Variants in COL28A1 observed in about 807,000 individuals in gnomAD.
The protein encoded by COL28A1 is collagen type XXVIII alpha 1 chain.
COL28A1 carries 161 observed loss-of-function variants against 150.2 expected under a neutral mutation model. The observed-to-expected ratio is 1.07, with a 90% confidence interval of 0.94 to 1.22. COL28A1 has a LOEUF of 1.22. COL28A1 is among the 50% of genes most tolerant of loss of function. The pLI, the probability that COL28A1 is intolerant of heterozygous loss-of-function variation, is 0.00. For missense variants in COL28A1, 1,617 were observed against 1,388.3 expected (o/e 1.16, Z -2.62); for synonymous variants, 552 against 469.7 (o/e 1.18, Z -2.26).
At chr7:7,463,855 A>C (rs972315787) in intron 15 of COL28A1, among the ~76,000 whole-genome samples, 8 of 152,216 alleles carry the variant, frequency 5.3e-5, no homozygotes, top group African/African-American at 1.9e-4. Context: ...GGTTCACTTA[A>C]AATACATAGA....
intron 27 of COL28A1, among the ~76,000 whole-genome samples, chr7:7,414,980 T>C (rs370517772): frequency 2.6e-5 from 4 of 152,232 alleles, no homozygotes; most frequent in Admixed American, 2.6e-4. Context: ...TACTTTATAC[T>C]AGCACTTGGC....
chr7:7,485,255 G>A (rs1779562643), intron 13 of COL28A1, among the ~76,000 whole-genome samples: 1 of 152,166 alleles, frequency 6.6e-6, no homozygotes, highest in East Asian at 1.9e-4. Context: ...GCATGTGTGT[G>A]TATATATGCT....
chr7:7,441,148 C>G (rs537199832), intron 20 of COL28A1, among the ~76,000 whole-genome samples: 1 of 152,194 alleles, frequency 6.6e-6, no homozygotes, highest in South Asian at 2.1e-4. Flanking sequence ...TCATTTTCAC[C>G]CTTGGTCTAT....
chr7:7,440,325 G>A (rs1054659453), intron 21 of COL28A1, among the ~76,000 whole-genome samples: 2 of 152,148 alleles, frequency 1.3e-5, no homozygotes, highest in African/African-American at 4.8e-5. Flanking sequence ...GTGAAATAGA[G>A]CATATCGTTA....
rs569495407 is a variant in COL28A1 at position 7,520,170 on chromosome 7, A to G, written c.760-55T>C. 5 of 818,118 alleles carry G rather than the reference A, an allele frequency of 6.1e-6. No homozygotes were observed. In the East Asian group the frequency reaches 1.0e-4, roughly 17 times the overall value. The allele number at this position is 818,118 out of a possible 1,614,324, so 50.7% of individuals were successfully genotyped here. ...AAGTAGGAATTCTATTGTTTTCTATACTTTATAATAATTTCTGATCAGTTT... is the reference window on the plus strand; with the variant it reads ...AAGTAGGAATTCTATTGTTTTCTATGCTTTATAATAATTTCTGATCAGTTT... On this transcript the variant is annotated intron_variant, in intron 5 of 34. Coordinates refer to ENST00000399429, the MANE Select transcript of COL28A1 (RefSeq NM_001037763.3).
At position 7,532,754 on chromosome 7, in the gene COL28A1, T is replaced by C. The variant is rs142425984; in HGVS notation, c.122A>G (p.Gln41Arg). 516 of 1,601,716 alleles carry C rather than the reference T, an allele frequency of 3.2e-4. 1 individual carries two copies. In the African/African-American group the frequency reaches 6.4e-3, roughly 20 times the overall value. Residue 41 changes from glutamine to arginine, a missense_variant and splice_region_variant, in exon 2 of 35, where the codon CAG (glutamine) becomes CGG (arginine). Gln to Arg is a conservative substitution (Grantham distance 43, BLOSUM62 1). Transcript: ENST00000399429. ...ACAAACAATTTTTTTTTTTTTACCC[T>C]GGACATCACTTTTCCTTGCAAGCAA... is the stretch of plus-strand genomic sequence containing the variant. ...SNLLARKSDV[Q>R]GSICFIDIVF...
At chr7:7,359,543 T>C (rs4724976) in intron 34 of COL28A1, among the ~76,000 whole-genome samples, 118,232 of 152,106 alleles carry the variant, frequency 0.78, 46,149 homozygotes, top group East Asian at 0.88. Context: ...CTGGAGTGCC[T>C]TGATTAGTAT....
intron 25 of COL28A1, among the ~76,000 whole-genome samples, chr7:7,422,819 C>T (rs1219520540): frequency 6.6e-6 from 1 of 152,096 alleles, no homozygotes; most frequent in Non-Finnish European, 1.5e-5. Context: ...TACCAGCTTA[C>T]AGTAATAGAC....
chr7:7,384,388 T>C (rs62453187), intron 27 of COL28A1, among the ~76,000 whole-genome samples: 1 of 152,168 alleles, frequency 6.6e-6, no homozygotes, highest in Non-Finnish European at 1.5e-5. Flanking sequence ...TAGAATACAG[T>C]AGTCCCCCTT....
At chr7:7,444,601 A>G (rs1428528525) in intron 18 of COL28A1, 112 bp from the exon 19 acceptor site, 1 of 983,780 alleles carries the variant, frequency 1.0e-6, no homozygotes, top group East Asian at 2.5e-5. Flanking sequence ...AAATCTCATT[A>G]GCAATTAATA....
intron 27 of COL28A1, among the ~76,000 whole-genome samples, chr7:7,395,271 G>A (rs755764026): frequency 6.6e-6 from 1 of 152,060 alleles, no homozygotes; most frequent in African/African-American, 2.4e-5. Context: ...TCCAGCCTGG[G>A]CAACAGAGTG....
chr7:7,437,566 A>G, intron 21 of COL28A1, 104 bp from the exon 22 acceptor site: 1 of 1,449,530 alleles, frequency 6.9e-7, no homozygotes, highest in Non-Finnish European at 9.1e-7. Context: ...AAATTATGTT[A>G]TGACCTCTAT....
chr7:7,355,320 A>G (rs1780322122), downstream of COL28A1, among the ~76,000 whole-genome samples: 1 of 152,148 alleles, frequency 6.6e-6, no homozygotes, highest in Non-Finnish European at 1.5e-5. Context: ...AAACGTAAAT[A>G]AAAATAATAT....
chr7:7,416,329 T>C (rs1583321553), intron 27 of COL28A1, among the ~76,000 whole-genome samples: 1 of 152,164 alleles, frequency 6.6e-6, no homozygotes, highest in Admixed American at 6.5e-5. Context: ...GGAAGCCAGA[T>C]AAGTTATAGT....
At chr7:7,502,608 T>C (rs1780594915) in intron 11 of COL28A1, among the ~76,000 whole-genome samples, 1 of 152,176 alleles carries the variant, frequency 6.6e-6, no homozygotes, top group Admixed American at 6.5e-5. Context: ...TAAAGGTTTC[T>C]ATTTTAAGGT....
In COL28A1 at chr7:7,517,848, C is replaced by T; in HGVS notation, c.814-11G>A. 6 of 1,613,440 alleles carry T rather than the reference C, an allele frequency of 3.7e-6. No individual in the cohort carries two copies. The highest frequency in any genetic ancestry group is 5.1e-6 in the Non-Finnish European group (6 of 1,179,580). On this transcript the variant is annotated splice_polypyrimidine_tract_variant and intron_variant, in intron 6 of 34. Coordinates refer to ENST00000399429, the MANE Select transcript of COL28A1 (RefSeq NM_001037763.3). Reference sequence around the variant, plus strand: ...TTTTTGAGCGTTGCCCTGTGACAAACAAAAAACAGTAAAAATTCCACAGCC... The same window carrying T: ...TTTTTGAGCGTTGCCCTGTGACAAATAAAAAACAGTAAAAATTCCACAGCC...
chr7:7,480,540 T>C (rs145922835), intron 13 of COL28A1, among the ~76,000 whole-genome samples: 1 of 152,304 alleles, frequency 6.6e-6, no homozygotes, highest in East Asian at 1.9e-4. Flanking sequence ...CAACATCACA[T>C]ACTTTAACAA....
intron 14 of COL28A1, among the ~76,000 whole-genome samples, chr7:7,476,877 A>G (rs893463988): frequency 3.9e-5 from 6 of 152,222 alleles, no homozygotes; most frequent in Non-Finnish European, 8.8e-5. Context: ...AGATTTTTCT[A>G]ATTTCATATG....
intron 27 of COL28A1, among the ~76,000 whole-genome samples, chr7:7,397,035 T>C (rs1419266444): frequency 6.6e-6 from 1 of 152,216 alleles, no homozygotes. Flanking sequence ...ACATTAATAC[T>C]GATGGCTATC....
Sources: allele counts gnomAD v4.1 joint callset (sites outside exome capture counted in the v4.1 genomes callset), GRCh38; gene constraint gnomAD v4.1.1; transcripts MANE v1.5; gene names NCBI Gene and HGNC (gene_info 2026-07-23, HGNC 2026-07-21).